GP6: variants seen among roughly 807,000 people sequenced by gnomAD.
The protein encoded by GP6 is glycoprotein VI platelet, also known as platelet glycoprotein VI.
In GP6, 45 loss-of-function variants were observed where a neutral mutation model predicts 37.3. The observed-to-expected ratio is 1.21, with a 90% confidence interval of 0.95 to 1.55. The LOEUF is 1.55. Ranked by LOEUF, GP6 falls within the 40% of genes most tolerant of loss-of-function variation. The pLI is 0.00. For missense variants in GP6, 813 were observed against 760.2 expected (o/e 1.07, Z -0.82); for synonymous variants, 340 against 316.4 (o/e 1.07, Z -0.79).
rs1359490372 is a variant in GP6, at chr19:55,014,108, T to A, written c.1837A>T (p.Met613Leu). 1.5e-6 allele frequency: 1 copy of A among 678,794 alleles called. No individual in the cohort carries two copies. Among genetic ancestry groups the A allele is most frequent in the African/African-American group, 1.8e-5 (1 of 56,986 alleles). 42.0% of individuals were successfully genotyped at this position (678,794 alleles called of 1,614,324 possible). The change falls in exon 8 of 8, where the codon ATG becomes TTG. Residue 613 changes from methionine (M) to leucine (L), a missense_variant. Transcript: ENST00000310373. ...CAAATCAGGGTAATTGACATATTCA[T>A]CCCTGTATTTTTTGAGACAAAGTCA... is the stretch of plus-strand genomic sequence containing the variant.
intron 3 of GP6, among the ~76,000 whole-genome samples, chr19:55,031,087 A>T (rs1053472248): frequency 6.6e-6 from 1 of 152,086 alleles, no homozygotes; most frequent in African/African-American, 2.4e-5. Flanking sequence ...AGCTCAAGCA[A>T]TCCTCCCGCC....
In GP6 at chr19:55,015,203, C is replaced by G. The variant is rs200562427; in HGVS notation, c.780-38G>C. On this transcript the variant is annotated intron_variant, in intron 7 of 7. Transcript: ENST00000310373. Reference sequence around the variant, plus strand: ...GGAGAGGCAGGAGCAGGTGAAAGAGCCCACCTCCAGGACCCCCTCCAAGCC... The same window carrying G: ...GGAGAGGCAGGAGCAGGTGAAAGAGGCCACCTCCAGGACCCCCTCCAAGCC... 29 of 1,550,394 alleles carry G rather than the reference C, an allele frequency of 1.9e-5. No homozygotes were observed. In the Middle Eastern group the frequency reaches 5.5e-4, roughly 30 times the overall value.
chr19:55,033,912 G>C (rs1398043949), intron 1 of GP6, among the ~76,000 whole-genome samples: 4 of 151,992 alleles, frequency 2.6e-5, no homozygotes, highest in African/African-American at 9.7e-5. Flanking sequence ...TTACATGATA[G>C]GATATAATAT....
rs374842617 is a variant in GP6 at position 55,025,280 on chromosome 19, T to C, written c.611-9A>G. 1.3e-6 allele frequency: 2 copies of C among 1,530,150 alleles called. No homozygotes were observed. Among genetic ancestry groups the C allele is most frequent in the Non-Finnish European group, 1.8e-6 (2 of 1,127,410 alleles). The allele number at this position is 1,530,150 out of a possible 1,614,324, so 94.8% of individuals were successfully genotyped here. ...GGGGGTCACAGAGGTTCCTGGGAAATCAGAAAATGAGATAAATCTGTGCTC... is the reference window on the plus strand; with the variant it reads ...GGGGGTCACAGAGGTTCCTGGGAAACCAGAAAATGAGATAAATCTGTGCTC... On this transcript the variant is annotated splice_polypyrimidine_tract_variant and intron_variant, in intron 4 of 7. Coordinates refer to ENST00000310373, the MANE Select transcript of GP6 (RefSeq NM_001083899.2).
At chr19:55,024,309 T>TGCACACACACATGCACGCACAC (rs1357661954) in intron 5 of GP6, among the ~76,000 whole-genome samples, 5 of 129,946 alleles carry the variant, frequency 3.8e-5, no homozygotes, top group Non-Finnish European at 6.5e-5. Flanking sequence ...TGCACACACA[T>TGCACACACACATGCACGCACAC]ATGCACGCAC....
In GP6 at chr19:55,015,464, A is replaced by G. The variant is rs182841908; in HGVS notation, c.779+215T>C. On this transcript the variant is annotated intron_variant, in intron 7 of 7. Transcript: ENST00000310373. Reference sequence around the variant, plus strand: ...GAGAGGACAGTTATAAGGGGTGGGGAAGAGATGGAATCTCTCTTTCTCTGA... The same window carrying G: ...GAGAGGACAGTTATAAGGGGTGGGGGAGAGATGGAATCTCTCTTTCTCTGA... Among the ~76,000 whole-genome samples the G allele has an allele frequency of 3.0e-3, 451 of 152,240 alleles. 8 individuals carry two copies. Among genetic ancestry groups the G allele is most frequent in the African/African-American group, 0.011 (437 of 41,528 alleles).
intron 3 of GP6, among the ~76,000 whole-genome samples, chr19:55,030,047 T>A (rs1484411142): frequency 6.6e-6 from 1 of 152,212 alleles, no homozygotes. Context: ...GAAAAAATTA[T>A]TGAAAATTTG....
rs2146694872 is a variant in GP6 at position 55,015,079 on chromosome 19, C to A, written c.866G>T (p.Gly289Val). Reference sequence around the variant, plus strand: ...TTCCTCCGGCTGTGCCAGTCCTCTGCCAGAAACCCCGCCAGGATTATTAGG... The same window carrying A: ...TTCCTCCGGCTGTGCCAGTCCTCTGACAGAAACCCCGCCAGGATTATTAGG... The change falls in exon 8 of 8, where the codon GGC (glycine) becomes GTC (valine). Residue 289 changes from glycine to valine, a missense_variant. Coordinates refer to ENST00000310373, the MANE Select transcript of GP6 (RefSeq NM_001083899.2). 1 of 1,601,698 alleles carries A rather than the reference C, an allele frequency of 6.2e-7. No individual in the cohort carries two copies. Among genetic ancestry groups the A allele is most frequent in the African/African-American group, 1.3e-5 (1 of 74,788 alleles).
intron 5 of GP6, 46 bp from the exon 6 acceptor site, chr19:55,018,757 T>A: frequency 8.0e-7 from 1 of 1,245,634 alleles, no homozygotes; most frequent in Non-Finnish European, 1.2e-6. Flanking sequence ...GTTCCCTATA[T>A]CCTCTAGATA....
rs752332158 is a variant in GP6 at position 55,015,018 on chromosome 19, G to A, written c.927C>T (p.Ala309=). 135 of 1,611,854 alleles carry A rather than the reference G, an allele frequency of 8.4e-5. No individual in the cohort carries two copies. Among genetic ancestry groups the A allele is most frequent in the Non-Finnish European group, 1.1e-4 (125 of 1,179,166 alleles). The change falls in exon 8 of 8, where the codon GCC becomes GCT. Residue 309 remains alanine (A), a synonymous_variant. Coordinates refer to ENST00000310373, the MANE Select transcript of GP6 (RefSeq NM_001083899.2). ...CGGGAGGGGCGGGAGGGGCGGAAGC[G>A]GCCTCTGCACAGCCCTGCCCCTGTG...
Position 55,031,608 on chromosome 19 carries a change from T to A in GP6, c.325+531A>T, listed in dbSNP as rs11881777. ...TTTTTGCAATTTATTTTGATTTTTTTAAAAATTGCATGAAAATGTTATTCA... is the reference window on the plus strand; with the variant it reads ...TTTTTGCAATTTATTTTGATTTTTTAAAAAATTGCATGAAAATGTTATTCA... On this transcript the variant is annotated intron_variant, in intron 3 of 7. Coordinates refer to ENST00000310373, the MANE Select transcript of GP6 (RefSeq NM_001083899.2). Among the ~76,000 whole-genome samples the A allele has an allele frequency of 7.8e-3, 1,188 of 152,334 alleles. 12 individuals are homozygous for A. Among genetic ancestry groups the A allele is most frequent in the African/African-American group, 0.027 (1,114 of 41,568 alleles).
intron 3 of GP6, among the ~76,000 whole-genome samples, chr19:55,028,433 T>C (rs945616408): frequency 6.6e-6 from 1 of 152,170 alleles, no homozygotes. Context: ...ATTAAATAAT[T>C]TGTCCAACTC....
intron 3 of GP6, among the ~76,000 whole-genome samples, chr19:55,029,243 C>A (rs1029803276): frequency 4.0e-5 from 5 of 125,404 alleles, no homozygotes; most frequent in African/African-American, 1.5e-4. Context: ...TTTGTTGTTT[C>A]ATTTGTTTTG....
At chr19:55,027,992 C>A (rs1333436344) in intron 3 of GP6, 130 bp from the exon 4 acceptor site, 2 of 861,074 alleles carry the variant, frequency 2.3e-6, no homozygotes, top group Non-Finnish European at 3.9e-6. Context: ...CGCACTCCCC[C>A]ACCCAAGCTC....
chr19:55,016,009 C>T (rs919802110), intron 6 of GP6, among the ~76,000 whole-genome samples: 4 of 151,932 alleles, frequency 2.6e-5, no homozygotes, highest in African/African-American at 9.7e-5. Context: ...CGTGGTGGCA[C>T]GTGCCAGTAA....
Position 55,014,155 on chromosome 19 carries a change from G to A in GP6, c.1790C>T (p.Thr597Ile). ...GTCAGGCTTCGTCACCCGAGCTAGA[G>A]TGCAGTGGTGTGATCTCAGCTCACT... The change falls in exon 8 of 8, where the codon ACT becomes ATT. Residue 597 changes from threonine (T) to isoleucine (I), a missense_variant. By Grantham distance (89) the Thr-to-Ile change is moderately conservative. Coordinates refer to ENST00000310373, the MANE Select transcript of GP6 (RefSeq NM_001083899.2). 2 of 700,050 alleles carry A rather than the reference G, an allele frequency of 2.9e-6. No homozygotes were observed. Among genetic ancestry groups the A allele is most frequent in the Non-Finnish European group, 5.2e-6 (2 of 383,418 alleles). The allele number at this position is 700,050 out of a possible 1,614,324, so 43.4% of individuals were successfully genotyped here.
At chr19:55,025,369 A>G (rs1602581405) in intron 4 of GP6, 98 bp from the exon 5 acceptor site, 3 of 808,472 alleles carry the variant, frequency 3.7e-6, no homozygotes, top group East Asian at 5.3e-5. Flanking sequence ...CACCGGAAAA[A>G]TGAGCCTAAA....
Position 55,032,310 on chromosome 19 carries a change from G to A in GP6, c.154C>T (p.Pro52Ser), listed in dbSNP as rs751615170. The change falls in exon 3 of 8, where the codon CCG becomes TCG. Residue 52 changes from proline to serine, a missense_variant. Coordinates refer to ENST00000310373, the MANE Select transcript of GP6 (RefSeq NM_001083899.2). ...TCCAGGCGGTACAGGTCCACGCCCG[G>A]AGGTCCCTGGCACCGGAGGGTCACT... 1 of 1,614,172 alleles carries A rather than the reference G, an allele frequency of 6.2e-7. No homozygotes were observed. The highest frequency in any genetic ancestry group is 8.5e-7 in the Non-Finnish European group (1 of 1,180,038).
chr19:55,024,793 G>A (rs2074240786), intron 5 of GP6, among the ~76,000 whole-genome samples: 1 of 152,152 alleles, frequency 6.6e-6, no homozygotes, highest in South Asian at 2.1e-4. Context: ...AAGCCTCCAG[G>A]TGATTCTTAT....
Sources: gnomAD v4.1 joint callset for allele counts (sites outside exome capture counted in the v4.1 genomes callset) on GRCh38, gnomAD v4.1.1 for gene constraint, MANE v1.5 for transcripts, NCBI Gene and HGNC (gene_info 2026-07-23, HGNC 2026-07-21) for gene names.